ENKUR: variants seen among roughly 807,000 people sequenced by gnomAD.
ENKUR encodes enkurin, TRPC channel interacting protein.
Under a neutral mutation model 27.6 loss-of-function variants are expected in ENKUR, and 19 were observed. The observed-to-expected ratio is 0.69, with a 90% CI of 0.48 to 1.01. The LOEUF is 1.01. ENKUR is among the 50% of genes least tolerant of loss of function. ENKUR has a pLI of 0.00. For synonymous variants in ENKUR, 117 were observed against 96.9 expected (o/e 1.21, Z -1.22); for missense variants, 312 against 310.5 (o/e 1.00, Z -0.04).
At position 24,998,542 on chromosome 10, in the gene ENKUR, T is replaced by C. The variant is rs181792025; in HGVS notation, c.223+859A>G. The stretch of plus-strand genomic sequence containing the variant: ...GGTGCATGCCATCACACCTAGCTAA[T>C]TTTTTTTATTTTAATTTTTTTGTAC... On this transcript the variant is annotated intron_variant, in intron 2 of 5. Coordinates refer to ENST00000331161, the MANE Select transcript of ENKUR (RefSeq NM_145010.4). 1.4e-4 allele frequency among the ~76,000 whole-genome samples: 22 copies of C among 151,796 alleles called. No homozygotes were observed. In the East Asian group the frequency reaches 3.9e-3, roughly 27 times the overall value.
At chr10:25,040,095 A>T (rs1056594112) in intron 2 of ENKUR, among the ~76,000 whole-genome samples, 1 of 151,876 alleles carries the variant, frequency 6.6e-6, no homozygotes, top group Non-Finnish European at 1.5e-5. Context: ...TTCTCTTTCC[A>T]GTAGAGTAGC....
intron 2 of ENKUR, among the ~76,000 whole-genome samples, 156 bp downstream of exon 2, chr10:24,999,245 C>T (rs1441225764): frequency 6.6e-6 from 1 of 152,182 alleles, no homozygotes; most frequent in African/African-American, 2.4e-5. Context: ...TTTTTCTACC[C>T]AATTCTCTAC....
At chr10:25,024,061 TG>T in intron 2 of ENKUR, 1 of 1,613,932 alleles carries the variant, frequency 6.2e-7, no homozygotes, top group Non-Finnish European at 8.5e-7. Flanking sequence ...CTGCGGGGAG[TG>T]GAAAAGCCTA....
At chr10:25,006,638 T>TC (rs779776777) in intron 1 of ENKUR, among the ~76,000 whole-genome samples, 12 of 152,086 alleles carry the variant, frequency 7.9e-5, no homozygotes, top group Admixed American at 3.9e-4. Context: ...GATAGCCTCA[T>TC]CAAAAAAAAC....
intron 2 of ENKUR, among the ~76,000 whole-genome samples, chr10:25,058,177 C>G (rs575894971): frequency 6.6e-6 from 1 of 152,098 alleles, no homozygotes; most frequent in East Asian, 1.9e-4. Context: ...TACTTGTCCT[C>G]TATCACTCAA....
chr10:24,989,426 C>T (rs2132672941), intron 4 of ENKUR, among the ~76,000 whole-genome samples: 1 of 152,294 alleles, frequency 6.6e-6, no homozygotes, highest in African/African-American at 2.4e-5. Context: ...CGTCACTCTA[C>T]ATTTTCAGGC....
intron 2 of ENKUR, among the ~76,000 whole-genome samples, chr10:25,057,102 G>C (rs1452952104): frequency 6.6e-6 from 1 of 152,154 alleles, no homozygotes; most frequent in Non-Finnish European, 1.5e-5. Context: ...AGTAATAATA[G>C]TTGGTGAGAA....
At chr10:25,044,992 T>G (rs906774600) in intron 2 of ENKUR, among the ~76,000 whole-genome samples, 2 of 152,220 alleles carry the variant, frequency 1.3e-5, no homozygotes, top group African/African-American at 4.8e-5. Context: ...AAGTAGCTGC[T>G]TTTCACTTAC....
chr10:25,007,726 G>T (rs186284792), intron 1 of ENKUR, among the ~76,000 whole-genome samples: 1 of 152,004 alleles, frequency 6.6e-6, no homozygotes, highest in South Asian at 2.1e-4. Flanking sequence ...GAGCGACTGC[G>T]CCCAGCCACG....
chr10:25,020,238 A>ATTATATC (rs1554772121), upstream of ENKUR, among the ~76,000 whole-genome samples: 2 of 126,634 alleles, frequency 1.6e-5, no homozygotes, highest in African/African-American at 5.2e-5. Flanking sequence ...TTTCTTTAAA[A>ATTATATC]TATATCTATA....
At chr10:25,022,121 A>G (rs762144166) in intron 2 of ENKUR, among the ~76,000 whole-genome samples, 7 of 152,168 alleles carry the variant, frequency 4.6e-5, no homozygotes, top group Non-Finnish European at 1.5e-5. Flanking sequence ...ACTTCAGGCA[A>G]TTTACATGAA....
In ENKUR at chr10:24,984,052, T is replaced by C. The variant is rs578261997; in HGVS notation, c.*318A>G. The C allele has an allele frequency of 2.0e-5, 6 of 293,686 alleles. No homozygotes were observed. The South Asian group carries it at 4.6e-4, about 23-fold the overall frequency. 18.2% of individuals were successfully genotyped at this position (293,686 alleles called of 1,614,324 possible). A position where few individuals can be genotyped will look rare whatever the true frequency, so the allele number is the denominator to read the frequency against. ...GTGGAATAAAATAAGAGTATCGAGG[T>C]TGGTATGCTAGAAAGGAGGCTATTC... On this transcript the variant is annotated 3_prime_UTR_variant, in exon 6 of 6. Transcript: ENST00000331161.
chr10:25,036,770 A>C (rs1000893036), intron 2 of ENKUR, among the ~76,000 whole-genome samples: 9 of 152,328 alleles, frequency 5.9e-5, no homozygotes, highest in African/African-American at 2.2e-4. Context: ...AGCTTGTCAC[A>C]GTAATCTCCC....
chr10:25,026,834 T>C lies in ENKUR; in HGVS notation c.38-30965A>G, dbSNP rs537104592. Among the ~76,000 whole-genome samples the C allele has an allele frequency of 2.6e-5, 4 of 152,316 alleles. No individual in the cohort carries two copies. In the East Asian group the frequency reaches 7.7e-4, roughly 29 times the overall value. On this transcript the variant is annotated intron_variant, in intron 2 of 5. Transcript: ENST00000615958. ...AAGCAAGAGAAATTTGTTTTAATTT[T>C]TTTAAAATTAAACCAATTATATATT...
At chr10:25,056,666 A>C (rs1311761118) in intron 2 of ENKUR, among the ~76,000 whole-genome samples, 1 of 152,242 alleles carries the variant, frequency 6.6e-6, no homozygotes, top group Non-Finnish European at 1.5e-5. Context: ...TAGACTTCTA[A>C]TAAAAACAAG....
At position 24,995,799 on chromosome 10, in the gene ENKUR, T is replaced by G. The variant is rs2132686891; in HGVS notation, c.294A>C (p.Gly98=). ...VPLKTDHPVM[G]IQSGKNFINT... ...TTATAAAATTTTTTCCACTCTGTAT[T>G]CCCATGACAGGATGATCAGTCTTCA... Residue 98 remains glycine, a synonymous_variant, in exon 3 of 6, where the codon GGA becomes GGC. Transcript: ENST00000331161. The G allele has an allele frequency of 1.2e-6, 2 of 1,614,072 alleles. No homozygotes were observed. The highest frequency in any genetic ancestry group is 1.7e-6 in the Non-Finnish European group (2 of 1,180,008).
Position 25,058,398 on chromosome 10 carries a change from G to A in ENKUR, c.37+2714C>T, listed in dbSNP as rs185623930. 2.7e-3 allele frequency among the ~76,000 whole-genome samples: 418 copies of A among 152,104 alleles called. 1 individual carries two copies. The highest frequency in any genetic ancestry group is 6.8e-3 in the Middle Eastern group (2 of 294). On this transcript the variant is annotated intron_variant, in intron 2 of 5. Coordinates refer to the ENKUR transcript ENST00000615958. ...AATTTTCAATTTTCTGTAGATATGGGGGTCTCACTATGATTTTCAAACTGG... is the reference window on the plus strand; with the variant it reads ...AATTTTCAATTTTCTGTAGATATGGAGGTCTCACTATGATTTTCAAACTGG...
chr10:25,023,626 A>G, intron 2 of ENKUR: 3 of 1,614,218 alleles, frequency 1.9e-6, no homozygotes, highest in Non-Finnish European at 2.5e-6. Flanking sequence ...TACTGGGTCC[A>G]ATCCAATGCA....
chr10:25,013,898 C>A (rs1261484627), intron 1 of ENKUR, among the ~76,000 whole-genome samples: 1 of 151,664 alleles, frequency 6.6e-6, no homozygotes, highest in Non-Finnish European at 1.5e-5. Context: ...GCCAAGATGG[C>A]GCCATTGCAC....
Sources: allele counts gnomAD v4.1 joint callset (sites outside exome capture counted in the v4.1 genomes callset), GRCh38; gene constraint gnomAD v4.1.1; transcripts MANE v1.5; gene names NCBI Gene and HGNC (gene_info 2026-07-23, HGNC 2026-07-21).